Variants in CENPP observed in about 807,000 individuals in gnomAD.
CENPP encodes centromere protein P.
A neutral mutation model predicts 35.6 loss-of-function variants in CENPP; 24 were observed. That is an observed-to-expected ratio of 0.67 (90% CI 0.49 to 0.95). The LOEUF (loss-of-function observed/expected upper bound fraction) is 0.95, where lower values mean the gene tolerates loss of function less well. Among genes scored for constraint, CENPP ranks in the 40% least tolerant of loss-of-function variants. CENPP has a pLI of 0.00. For missense variants in CENPP, 332 were observed against 345.3 expected (o/e 0.96, Z 0.31); for synonymous variants, 120 against 125.5 (o/e 0.96, Z 0.29).
At chr9:92,566,354 C>T (rs1386104722) in intron 5 of CENPP, among the ~76,000 whole-genome samples, 3 of 151,412 alleles carry the variant, frequency 2.0e-5, no homozygotes, top group Admixed American at 6.6e-5. Flanking sequence ...AAAATATAGC[C>T]TTTCAAAGGA....
At chr9:92,485,711 C>G (rs1458804961) in intron 5 of CENPP, among the ~76,000 whole-genome samples, 1 of 152,188 alleles carries the variant, frequency 6.6e-6, no homozygotes, top group Non-Finnish European at 1.5e-5. Context: ...GAGTCTCACT[C>G]TGTCACCCAT....
rs1564024913 is a variant in CENPP at position 92,616,746 on chromosome 9, G to A, written c.*3597G>A. On this transcript the variant is annotated 3_prime_UTR_variant, in exon 8 of 8. Transcript: ENST00000375587. ...TTATTTGCCCTGAAAAACACATTTA[G>A]GATTACTCCGAGTCCTGAGCTCTGA... The A allele has an allele frequency of 6.6e-6, 1 of 152,290 alleles. No homozygotes were observed. The highest frequency in any genetic ancestry group is 1.9e-4 in the East Asian group (1 of 5,186). The allele number at this position is 152,290 out of a possible 1,614,324, so 9.4% of individuals were successfully genotyped here. A position where few individuals can be genotyped will look rare whatever the true frequency, so the allele number is the denominator to read the frequency against.
Position 92,615,721 on chromosome 9 carries a change from G to A in CENPP, c.*2572G>A. On this transcript the variant is annotated 3_prime_UTR_variant, in exon 8 of 8. Coordinates refer to ENST00000375587, the MANE Select transcript of CENPP (RefSeq NM_001012267.3). ...CAAGAGGCAATCCCACCTCAAAAGG[G>A]GTTAAAAGCAAAAACATTCACAACC... 1 of 817,050 alleles carries A rather than the reference G, an allele frequency of 1.2e-6. No homozygotes were observed. The highest frequency in any genetic ancestry group is 1.7e-5 in the African/African-American group (1 of 58,880). 50.6% of individuals were successfully genotyped at this position (817,050 alleles called of 1,614,324 possible).
intron 5 of CENPP, chr9:92,514,555 G>C (rs117548897): frequency 0.049 from 74,071 of 1,506,818 alleles, 2,149 homozygotes; most frequent in South Asian, 0.082. Flanking sequence ...GATTATAGGC[G>C]TGAGCCACCG....
intron 5 of CENPP, among the ~76,000 whole-genome samples, chr9:92,440,762 G>A (rs1844365560): frequency 6.6e-6 from 1 of 152,210 alleles, no homozygotes; most frequent in African/African-American, 2.4e-5. Context: ...GACGTGAACA[G>A]AAATGTGTTT....
chr9:92,573,596 G>A (rs567785211), intron 5 of CENPP, among the ~76,000 whole-genome samples: 21 of 152,316 alleles, frequency 1.4e-4, no homozygotes, highest in South Asian at 2.1e-4. Context: ...CTCAAACTCC[G>A]TGCTGGGGGA....
intron 5 of CENPP, among the ~76,000 whole-genome samples, chr9:92,413,521 C>A (rs1843503056): frequency 6.6e-6 from 1 of 152,114 alleles, no homozygotes; most frequent in Admixed American, 6.5e-5. Flanking sequence ...ATTGTCTTAT[C>A]TTTGTTTTCT....
At chr9:92,609,827 G>A (rs1278388344) in intron 5 of CENPP, among the ~76,000 whole-genome samples, 4 of 152,092 alleles carry the variant, frequency 2.6e-5, no homozygotes, top group African/African-American at 7.2e-5. Context: ...TGCAGCCTCC[G>A]CCTCCTGGGT....
intron 5 of CENPP, among the ~76,000 whole-genome samples, chr9:92,555,553 G>A (rs1488625803): frequency 6.6e-6 from 1 of 151,966 alleles, no homozygotes; most frequent in Non-Finnish European, 1.5e-5. Context: ...TACTATTTCA[G>A]TCTTGCTGTT....
chr9:92,515,059 T>A lies in CENPP; in HGVS notation c.565-96255T>A, dbSNP rs200124000. ...TTCATCCTCCTCAGATTGAAGTGCT[T>A]CTTTTCTTACTATTCGGTCCATTCC... On this transcript the variant is annotated intron_variant, in intron 5 of 7. Coordinates refer to ENST00000375587, the MANE Select transcript of CENPP (RefSeq NM_001012267.3). 1.3e-5 allele frequency: 21 copies of A among 1,614,056 alleles called. No individual in the cohort carries two copies. The highest frequency in any genetic ancestry group is 1.7e-5 in the Non-Finnish European group (20 of 1,180,038).
intron 5 of CENPP, among the ~76,000 whole-genome samples, chr9:92,433,304 A>G (rs1363370408): frequency 6.6e-6 from 1 of 152,218 alleles, no homozygotes; most frequent in African/African-American, 2.4e-5. Flanking sequence ...TTATGATGGC[A>G]GTTAGATTTC....
At position 92,450,554 on chromosome 9, in the gene CENPP, A is replaced by G. The variant is rs1015950524; in HGVS notation, c.564+70695A>G. On this transcript the variant is annotated intron_variant, in intron 5 of 7. Coordinates refer to ENST00000375587, the MANE Select transcript of CENPP (RefSeq NM_001012267.3). Reference sequence around the variant, plus strand: ...TATTGTGAATAGTGCCACAATAAACATACGTGTGCATGTGTCTTTATAGCA... The same window carrying G: ...TATTGTGAATAGTGCCACAATAAACGTACGTGTGCATGTGTCTTTATAGCA... 8.5e-5 allele frequency among the ~76,000 whole-genome samples: 13 copies of G among 152,238 alleles called. 1 individual carries two copies. Among genetic ancestry groups the G allele is most frequent in the African/African-American group, 3.1e-4 (13 of 41,546 alleles).
chr9:92,354,199 A>G (rs1841533261), intron 4 of CENPP, among the ~76,000 whole-genome samples: 1 of 152,220 alleles, frequency 6.6e-6, no homozygotes, highest in Admixed American at 6.5e-5. Context: ...GCAAACCCAT[A>G]TCCGGAGTAA....
At chr9:92,532,922 CGT>C (rs1468681916) in intron 5 of CENPP, among the ~76,000 whole-genome samples, 1 of 151,776 alleles carries the variant, frequency 6.6e-6, no homozygotes, top group East Asian at 1.9e-4. Context: ...TGAGAATTTG[CGT>C]CTGTTTCAGG....
At chr9:92,574,638 A>C (rs1412829296) in intron 5 of CENPP, among the ~76,000 whole-genome samples, 1 of 152,242 alleles carries the variant, frequency 6.6e-6, no homozygotes, top group African/African-American at 2.4e-5. Flanking sequence ...TTAAGATGTC[A>C]GTACTACTCA....
chr9:92,512,091 T>C, intron 5 of CENPP: 12 of 1,613,826 alleles, frequency 7.4e-6, no homozygotes, highest in Non-Finnish European at 1.0e-5. Flanking sequence ...GGTAATCCAT[T>C]AAATGCTTCA....
intron 5 of CENPP, among the ~76,000 whole-genome samples, chr9:92,571,131 G>T (rs1850127317): frequency 6.6e-6 from 1 of 152,004 alleles, no homozygotes; most frequent in South Asian, 2.1e-4. Context: ...GCTTTTGAAT[G>T]TGTTTGCTCT....
chr9:92,431,112 T>C (rs1844097842), intron 5 of CENPP, among the ~76,000 whole-genome samples: 1 of 152,168 alleles, frequency 6.6e-6, no homozygotes, highest in Non-Finnish European at 1.5e-5. Flanking sequence ...TATTTTTAAA[T>C]TTAAAAAATT....
At chr9:92,540,801 A>C (rs1339050918) in intron 5 of CENPP, among the ~76,000 whole-genome samples, 2 of 152,194 alleles carry the variant, frequency 1.3e-5, no homozygotes, top group South Asian at 2.1e-4. Flanking sequence ...TGAAGTGAGA[A>C]TATAATAAGG....
Sources: allele counts gnomAD v4.1 joint callset (sites outside exome capture counted in the v4.1 genomes callset), GRCh38; gene constraint gnomAD v4.1.1; transcripts MANE v1.5; gene names NCBI Gene and HGNC (gene_info 2026-07-23, HGNC 2026-07-21).